The following NCKAP5 variants were observed in gnomAD, a reference collection of about 807,000 sequenced individuals.
NCKAP5 encodes NCK associated protein 5.
A neutral mutation model predicts 167.0 loss-of-function variants in NCKAP5; 92 were observed. That is an observed-to-expected ratio of 0.55 (90% CI 0.47 to 0.66). The LOEUF (loss-of-function observed/expected upper bound fraction) is 0.66, where lower values mean the gene tolerates loss of function less well. Ranked by LOEUF, NCKAP5 falls within the 30% of genes least tolerant of loss-of-function variation. The pLI is 0.00. For missense variants in NCKAP5, 2,378 were observed against 2,315.0 expected (o/e 1.03, Z -0.56); for synonymous variants, 891 against 877.4 (o/e 1.02, Z -0.27).
intron 3 of NCKAP5, among the ~76,000 whole-genome samples, chr2:133,409,292 GCT>G (rs1688631070): frequency 6.6e-6 from 1 of 152,204 alleles, no homozygotes. Context: ...GAAAGTCCCA[GCT>G]CTCTGTCCCT....
chr2:133,507,523 G>A (rs1027923411), intron 3 of NCKAP5, among the ~76,000 whole-genome samples: 5 of 152,170 alleles, frequency 3.3e-5, no homozygotes, highest in Admixed American at 2.0e-4. Flanking sequence ...AATTTATGAG[G>A]AAGAAACATC....
chr2:132,920,434 T>C (rs1695226729), intron 8 of NCKAP5, among the ~76,000 whole-genome samples: 1 of 151,472 alleles, frequency 6.6e-6, no homozygotes, highest in Non-Finnish European at 1.5e-5. Context: ...CAGCATCATG[T>C]AAAAAGTTAG....
At chr2:133,489,469 T>C (rs997690062) in intron 3 of NCKAP5, among the ~76,000 whole-genome samples, 2 of 152,192 alleles carry the variant, frequency 1.3e-5, no homozygotes, top group East Asian at 1.9e-4. Flanking sequence ...AGTTTCTGTA[T>C]GGAAGCAAGG....
At chr2:133,118,283 T>G (rs2149747016) in intron 6 of NCKAP5, 1 of 152,264 alleles carries the variant, frequency 6.6e-6, no homozygotes, top group African/African-American at 2.4e-5. Context: ...ACCAATTTTT[T>G]TTTTAATTAT....
rs767985960 is a variant in NCKAP5 at position 132,784,995 on chromosome 2, A to G, written c.1816T>C (p.Leu606=). 32 of 1,613,786 alleles carry G rather than the reference A, an allele frequency of 2.0e-5. No individual in the cohort carries two copies. The South Asian group carries it at 3.3e-4, about 17-fold the overall frequency. Residue 606 remains leucine (L), a synonymous_variant, in exon 14 of 20, where the codon TTG becomes CTG. Transcript: ENST00000409261. The part of the protein sequence containing the change: ...SDEKSPSDVS[L]AADTDKSVEN... ...ACGGACTTATCGGTGTCGGCAGCCA[A>G]TGACACGTCTGAAGGACTTTTCTCA...
In NCKAP5 at chr2:132,782,396, AT is replaced by A; in HGVS notation, c.4414del (p.Ile1472SerfsTer49). On this transcript the variant is annotated frameshift_variant, in exon 14 of 20. Transcript: ENST00000409261. LOFTEE classifies it high-confidence loss of function. ...AATGCACAACATGACCTTTTCTTCGATTGTGGGTGAGAGGGGGGCTTCTGAA... is the reference window on the plus strand; with the variant it reads ...AATGCACAACATGACCTTTTCTTCGATGTGGGTGAGAGGGGGGCTTCTGAA... ...VSSEAPLSPT[I>X]EEKVMLCIQE... The A allele has an allele frequency of 6.2e-7, 1 of 1,613,922 alleles. No homozygotes were observed. Among genetic ancestry groups the A allele is most frequent in the Non-Finnish European group, 8.5e-7 (1 of 1,179,892 alleles).
chr2:133,615,959 C>G, the NCKAP5 span, among the ~76,000 whole-genome samples: 6 of 150,340 alleles, frequency 4.0e-5, no homozygotes, highest in Non-Finnish European at 8.9e-5. Flanking sequence ...ATCTCTCAGA[C>G]CACAGTGCAA....
At chr2:132,752,167 C>T (rs1680170874) in intron 16 of NCKAP5, among the ~76,000 whole-genome samples, 1 of 152,202 alleles carries the variant, frequency 6.6e-6, no homozygotes, top group Admixed American at 6.5e-5. Context: ...AATAGGTACC[C>T]ATAACTGCAT....
At position 132,955,423 on chromosome 2, in the gene NCKAP5, C is replaced by T. The variant is rs72994869; in HGVS notation, c.579+8297G>A. Among the ~76,000 whole-genome samples the T allele has an allele frequency of 7.5e-3, 1,138 of 152,186 alleles. 20 individuals carry two copies. Among genetic ancestry groups the T allele is most frequent in the African/African-American group, 0.026 (1,070 of 41,526 alleles). On this transcript the variant is annotated intron_variant, in intron 8 of 19. Coordinates refer to ENST00000409261, the MANE Select transcript of NCKAP5 (RefSeq NM_207363.3). ...AGTTCTACTTAAGAGGAGGCAGGGG[C>T]GCAGAAAGGTTAGATTACAAGGTGG...
chr2:133,308,689 CTTTTTTTTTTTTT>C (rs35760716), intron 3 of NCKAP5, among the ~76,000 whole-genome samples: 8 of 59,280 alleles, frequency 1.3e-4, no homozygotes, highest in Admixed American at 3.8e-4. Flanking sequence ...AAATACAATT[CTTTTTTTTTTTTT>C]TTTTTTTTTT....
In NCKAP5 at chr2:132,780,140, C is replaced by A. The variant is rs192994418; in HGVS notation, c.5049+912G>T. Among the ~76,000 whole-genome samples, 432 of 152,140 alleles carry A rather than the reference C, an allele frequency of 2.8e-3. 3 individuals are homozygous for A. Among genetic ancestry groups the A allele is most frequent in the African/African-American group, 9.9e-3 (412 of 41,510 alleles). On this transcript the variant is annotated intron_variant, in intron 15 of 19. Transcript: ENST00000409261. ...ACACCCCAGGAAAATATAAAAAATA[C>A]TCTTTCATTTATTTTTTATTTATTT... is the stretch of plus-strand genomic sequence containing the variant.
chr2:132,890,560 AG>A (rs1239375778), intron 8 of NCKAP5, among the ~76,000 whole-genome samples: 2 of 152,162 alleles, frequency 1.3e-5, no homozygotes, highest in Non-Finnish European at 2.9e-5. Flanking sequence ...AAAAAGTCCC[AG>A]GGGAGTGGCT....
intron 5 of NCKAP5, among the ~76,000 whole-genome samples, chr2:133,152,760 T>C (rs2083428217): frequency 6.6e-6 from 1 of 152,184 alleles, no homozygotes; most frequent in South Asian, 2.1e-4. Context: ...ACTGACCCCA[T>C]ATACAACAGT....
At chr2:133,628,774 G>A in the NCKAP5 span, among the ~76,000 whole-genome samples, 1,669 of 152,156 alleles carry the variant, frequency 0.011, 30 homozygotes, top group African/African-American at 0.038. Context: ...TCATTGTGCT[G>A]GTACAAAAAC....
chr2:133,405,122 G>T (rs1688341755), intron 3 of NCKAP5, among the ~76,000 whole-genome samples: 1 of 152,276 alleles, frequency 6.6e-6, no homozygotes, highest in South Asian at 2.1e-4. Flanking sequence ...AGCAAATCCT[G>T]AACCATTGCT....
At chr2:132,880,004 T>C (rs6710825) in intron 8 of NCKAP5, among the ~76,000 whole-genome samples, 56,698 of 152,012 alleles carry the variant, frequency 0.37, 10,881 homozygotes, top group Middle Eastern at 0.53. Context: ...TGCAGCAACA[T>C]GGACAGAACT....
chr2:133,143,579 A>G lies in NCKAP5; in HGVS notation c.208-13468T>C, dbSNP rs573634292. ...CCTACTGATGATACGTAAGACAGGG[A>G]AACATGTATGTACAATTAAAGTGCA... On this transcript the variant is annotated intron_variant, in intron 5 of 19. Transcript: ENST00000409261. Among the ~76,000 whole-genome samples the G allele has an allele frequency of 6.3e-4, 96 of 152,286 alleles. 1 individual carries two copies. The highest frequency in any genetic ancestry group is 5.2e-3 in the South Asian group (25 of 4,826).
chr2:132,851,864 A>G (rs562976587), intron 11 of NCKAP5, among the ~76,000 whole-genome samples: 1 of 152,314 alleles, frequency 6.6e-6, no homozygotes, highest in African/African-American at 2.4e-5. Flanking sequence ...AAGAGAGGTG[A>G]CAGAACAAAG....
Position 133,212,476 on chromosome 2 carries a change from T to C in NCKAP5, c.207+1240A>G, listed in dbSNP as rs551762049. 3.2e-4 allele frequency among the ~76,000 whole-genome samples: 48 copies of C among 152,304 alleles called. 1 individual carries two copies. The South Asian group carries it at 1.0e-2, about 32-fold the overall frequency. ...TCCGCCTCCCAGGTTCAAATGATTCTCATGCCTCAGCTTCCTGAGTAGCTG... is the reference window on the plus strand; with the variant it reads ...TCCGCCTCCCAGGTTCAAATGATTCCCATGCCTCAGCTTCCTGAGTAGCTG... On this transcript the variant is annotated intron_variant, in intron 5 of 19. Coordinates refer to ENST00000409261, the MANE Select transcript of NCKAP5 (RefSeq NM_207363.3).
Sources: allele counts gnomAD v4.1 joint callset (sites outside exome capture counted in the v4.1 genomes callset), GRCh38; gene constraint gnomAD v4.1.1; transcripts MANE v1.5; gene names NCBI Gene and HGNC (gene_info 2026-07-23, HGNC 2026-07-21).